CNNM3: variants seen among roughly 807,000 people sequenced by gnomAD.
CNNM3 encodes metal transporter CNNM3.
A neutral mutation model predicts 57.1 loss-of-function variants in CNNM3; 47 were observed. The ratio of observed to expected loss-of-function variants is 0.82; its 90% confidence interval spans 0.65 to 1.05. CNNM3 has a LOEUF of 1.05. Among genes scored for constraint, CNNM3 ranks in the 50% least tolerant of loss-of-function variants. The pLI, the probability that CNNM3 is intolerant of heterozygous loss-of-function variation, is 0.00. For missense variants in CNNM3, 957 were observed against 973.7 expected (o/e 0.98, Z 0.23); for synonymous variants, 507 against 478.2 (o/e 1.06, Z -0.79).
chr2:96,832,425 C>A, intron 7 of CNNM3, 127 bp from the exon 8 acceptor site: 7 of 1,516,056 alleles, frequency 4.6e-6, no homozygotes, highest in Admixed American at 2.0e-5. Flanking sequence ...TGCTCTGATA[C>A]TTCCCAAGGC....
intron 7 of CNNM3, chr2:96,832,163 AT>A: frequency 2.0e-6 from 2 of 1,011,298 alleles, no homozygotes; most frequent in Non-Finnish European, 1.2e-6. Context: ...GCTGGGGGGC[AT>A]TTTTCTCCAG....
chr2:96,836,185 C>G (rs536912735), downstream of CNNM3, among the ~76,000 whole-genome samples: 25 of 149,196 alleles, frequency 1.7e-4, 1 homozygote, highest in South Asian at 5.3e-3. Flanking sequence ...TGGACTCAAG[C>G]AGTTCTCCCT....
At position 96,816,455 on chromosome 2, in the gene CNNM3, G is replaced by T. The variant is rs765754443; in HGVS notation, c.178G>T (p.Ala60Ser). 5 of 1,445,918 alleles carry T rather than the reference G, an allele frequency of 3.5e-6. No individual in the cohort carries two copies. In the South Asian group the frequency reaches 4.2e-5, roughly 12 times the overall value. The allele number at this position is 1,445,918 out of a possible 1,614,324, so 89.6% of individuals were successfully genotyped here. The change falls in exon 1 of 8, where the codon GCC becomes TCC. Residue 60 changes from alanine to serine, a missense_variant. Ala to Ser is a moderately conservative substitution (Grantham distance 99). Coordinates refer to ENST00000305510, the MANE Select transcript of CNNM3 (RefSeq NM_017623.5). Reference protein sequence around the residue: ...RGGAARDTPDATFLLRLFGPG... With the variant: ...RGGAARDTPDSTFLLRLFGPG... ...AGGGGCGGCGCGGGACACGCCGGAC[G>T]CCACCTTCCTCCTGCGCCTCTTCGG...
intron 5 of CNNM3, 120 bp from the exon 6 acceptor site, chr2:96,828,447 A>G (rs961723019): frequency 7.0e-6 from 9 of 1,284,118 alleles, no homozygotes; most frequent in African/African-American, 1.5e-5. Flanking sequence ...TCCCATGCAC[A>G]TTGCCTCTCC....
rs960546793 is a variant in CNNM3, at chr2:96,817,433, T to C, written c.1156T>C (p.Tyr386His). 4.3e-6 allele frequency: 7 copies of C among 1,613,984 alleles called. No individual in the cohort carries two copies. Among genetic ancestry groups the C allele is most frequent in the Non-Finnish European group, 5.9e-6 (7 of 1,180,016 alleles). Residue 386 changes from tyrosine (Y) to histidine (H), a missense_variant, in exon 1 of 8, where the codon TAC (tyrosine) becomes CAC (histidine). Around this residue, in one of 2 missense-constraint regions of CNNM3, gnomAD observed 491 missense variants for 570.6 expected, o/e 0.86. Coordinates refer to ENST00000305510, the MANE Select transcript of CNNM3 (RefSeq NM_017623.5). ...GCCGCTCAGCACCATCACTCGTTTC[T>C]ACAACCATCCGCTCCACTTCGTCTT... is the stretch of plus-strand genomic sequence containing the variant. ...CTPLSTITRF[Y>H]NHPLHFVFND...
chr2:96,832,877 C>T lies in CNNM3; in HGVS notation c.*261C>T, dbSNP rs1162444599. 1 of 1,490,044 alleles carries T rather than the reference C, an allele frequency of 6.7e-7. No individual in the cohort carries two copies. Among genetic ancestry groups the T allele is most frequent in the East Asian group, 2.7e-5 (1 of 37,044 alleles). 92.3% of individuals were successfully genotyped at this position (1,490,044 alleles called of 1,614,324 possible). On this transcript the variant is annotated 3_prime_UTR_variant, in exon 8 of 8. Coordinates refer to ENST00000305510, the MANE Select transcript of CNNM3 (RefSeq NM_017623.5). ...GCCTCAGGAAGGAATGAAAGGAATG[C>T]CATCATCTCTAGTTCCCAGGGCCCA...
Position 96,832,856 on chromosome 2 carries a change from C to T in CNNM3, c.*240C>T, listed in dbSNP as rs907941898. On this transcript the variant is annotated 3_prime_UTR_variant, in exon 8 of 8. Transcript: ENST00000305510. ...AGGGCACAGCCCTCCAGGCCCGCCTCAGGAAGGAATGAAAGGAATGCCATC... is the reference window on the plus strand; with the variant it reads ...AGGGCACAGCCCTCCAGGCCCGCCTTAGGAAGGAATGAAAGGAATGCCATC... 8 of 1,506,654 alleles carry T rather than the reference C, an allele frequency of 5.3e-6. No homozygotes were observed. The African/African-American group carries it at 1.1e-4, about 21-fold the overall frequency. The allele number at this position is 1,506,654 out of a possible 1,614,324, so 93.3% of individuals were successfully genotyped here. A position where few individuals can be genotyped will look rare whatever the true frequency, so the allele number is the denominator to read the frequency against.
intron 1 of CNNM3, among the ~76,000 whole-genome samples, chr2:96,821,127 C>G (rs765759152): frequency 6.6e-6 from 1 of 152,096 alleles, no homozygotes; most frequent in South Asian, 2.1e-4. Context: ...TTGACTTCCC[C>G]GCTCCTGTGG....
At position 96,832,740 on chromosome 2, in the gene CNNM3, G is replaced by C; in HGVS notation, c.*124G>C. On this transcript the variant is annotated 3_prime_UTR_variant, in exon 8 of 8. Transcript: ENST00000305510. ...CCAGGCCACGTTTTAGATGGCCCTT[G>C]TAGTTGCGGGTCCTGGGTGTCCTCA... is the stretch of plus-strand genomic sequence containing the variant. The C allele has an allele frequency of 6.4e-7, 1 of 1,551,912 alleles. No homozygotes were observed. The highest frequency in any genetic ancestry group is 2.3e-5 in the East Asian group (1 of 43,580).
In CNNM3 at chr2:96,816,517, C is replaced by A. The variant is rs755909443; in HGVS notation, c.240C>A (p.Ala80=). ...GFANSSWSWV[A]PEGAGCREEA... ...CCAACAGCTCTTGGTCCTGGGTGGC[C>A]CCGGAGGGGGCGGGCTGCCGGGAGG... is the stretch of plus-strand genomic sequence containing the variant. The change falls in exon 1 of 8, where the codon GCC becomes GCA. Residue 80 remains alanine, a synonymous_variant. Coordinates refer to ENST00000305510, the MANE Select transcript of CNNM3 (RefSeq NM_017623.5). 7.2e-6 allele frequency: 10 copies of A among 1,394,274 alleles called. No homozygotes were observed. The highest frequency in any genetic ancestry group is 1.6e-5 in the South Asian group (1 of 63,046). 86.4% of individuals were successfully genotyped at this position (1,394,274 alleles called of 1,614,324 possible).
At chr2:96,824,903 T>G (rs530475837) in intron 1 of CNNM3, 155 bp from the exon 2 acceptor site, 1 of 782,686 alleles carries the variant, frequency 1.3e-6, no homozygotes, top group Non-Finnish European at 2.0e-6. Flanking sequence ...GCTGGGAGTC[T>G]TAAGTAAAAA....
Position 96,828,657 on chromosome 2 carries a change from C to T in CNNM3, c.1877C>T (p.Pro626Leu). 1 of 1,614,146 alleles carries T rather than the reference C, an allele frequency of 6.2e-7. No homozygotes were observed. Among genetic ancestry groups the T allele is most frequent in the Non-Finnish European group, 8.5e-7 (1 of 1,180,032 alleles). Residue 626 changes from proline (P) to leucine (L), a missense_variant, in exon 6 of 8, where the codon CCC (proline) becomes CTC (leucine). By Grantham distance (98) the Pro-to-Leu change is moderately conservative. This residue lies in a region of CNNM3 where 491 missense variants were observed against 570.6 expected (regional missense o/e 0.86). Transcript: ENST00000305510. The stretch of plus-strand genomic sequence containing the variant: ...GGCACGCATTCATCTGCGTATTGTC[C>T]CGACTACACCGTGAGGGCGCTCTCT... Reference protein sequence around the residue: ...GDGTHSSAYCPDYTVRALSDL... With the variant: ...GDGTHSSAYCLDYTVRALSDL...
At chr2:96,827,656 G>A in intron 3 of CNNM3, 75 bp from the exon 4 acceptor site, 11 of 1,465,750 alleles carry the variant, frequency 7.5e-6, no homozygotes, top group Non-Finnish European at 9.4e-6. Flanking sequence ...ACTTTAAATT[G>A]CCTACAGTGT....
Position 96,816,846 on chromosome 2 carries a change from G to A in CNNM3, c.569G>A (p.Trp190Ter). 1 of 1,057,190 alleles carries A rather than the reference G, an allele frequency of 9.5e-7. No individual in the cohort carries two copies. Among genetic ancestry groups the A allele is most frequent in the Non-Finnish European group, 1.1e-6 (1 of 880,272 alleles). The allele number at this position is 1,057,190 out of a possible 1,614,324, so 65.5% of individuals were successfully genotyped here. ...CGGCGTTTGGAGCCCGCGCGGCGCT[G>A]GGCCGGCTGCGCCTTGGGCGCGCTG... Reference protein sequence around the residue: ...AARRLEPARRWAGCALGALLL... With the variant: ...AARRLEPARR Residue 190 changes from tryptophan to a stop codon, truncating the protein, a stop_gained, in exon 1 of 8, where the codon TGG becomes TAG. Coordinates refer to ENST00000305510, the MANE Select transcript of CNNM3 (RefSeq NM_017623.5). LOFTEE classifies it high-confidence loss of function.
intron 7 of CNNM3, among the ~76,000 whole-genome samples, chr2:96,831,546 A>G (rs940354969): frequency 6.6e-6 from 1 of 152,228 alleles, no homozygotes; most frequent in African/African-American, 2.4e-5. Context: ...GAACCCACAC[A>G]TCTGTTTGTA....
At position 96,817,253 on chromosome 2, in the gene CNNM3, A is replaced by G. The variant is rs867129720; in HGVS notation, c.976A>G (p.Met326Val). ...DVLTPLEDCF[M>V]LDASTVLDFG... ...GCTCACGCCCCTCGAAGACTGCTTCATGCTGGACGCCAGCACCGTGCTGGA... is the reference window on the plus strand; with the variant it reads ...GCTCACGCCCCTCGAAGACTGCTTCGTGCTGGACGCCAGCACCGTGCTGGA... The change falls in exon 1 of 8, where the codon ATG becomes GTG. Residue 326 changes from methionine (M) to valine (V), a missense_variant. Physicochemically the swap from Met to Val is conservative, Grantham distance 21 (BLOSUM62 1). This residue lies in a region of CNNM3 where 491 missense variants were observed against 570.6 expected (regional missense o/e 0.86). Transcript: ENST00000305510. 1.2e-6 allele frequency: 2 copies of G among 1,611,022 alleles called. No individual in the cohort carries two copies. Among genetic ancestry groups the G allele is most frequent in the Non-Finnish European group, 8.5e-7 (1 of 1,179,734 alleles).
intron 6 of CNNM3, 125 bp from the exon 7 acceptor site, chr2:96,828,871 T>C (rs188826295): frequency 6.7e-7 from 1 of 1,499,058 alleles, no homozygotes; most frequent in Non-Finnish European, 9.1e-7. Flanking sequence ...ACTCAGTTGC[T>C]CTTCTCTGCC....
chr2:96,826,576 C>T (rs1017340506), intron 2 of CNNM3, among the ~76,000 whole-genome samples: 2 of 152,230 alleles, frequency 1.3e-5, no homozygotes, highest in African/African-American at 4.8e-5. Context: ...TTATTTTATA[C>T]AAGCTGCTTT....
In CNNM3 at chr2:96,827,810, A is replaced by G; in HGVS notation, c.1599A>G (p.Glu533=). 6.2e-7 allele frequency: 1 copy of G among 1,614,148 alleles called. No individual in the cohort carries two copies. ...TGAAGCATCCCAGTGTCAACCAGGA[A>G]GTGAGGTTTGACGAGAGCAACCGGC... is the stretch of plus-strand genomic sequence containing the variant. ...HLLKHPSVNQ[E]VRFDESNRLA... Residue 533 remains glutamate, a synonymous_variant, in exon 4 of 8, where the codon GAA becomes GAG. Transcript: ENST00000305510.
Sources: allele counts gnomAD v4.1 joint callset (sites outside exome capture counted in the v4.1 genomes callset), GRCh38; gene constraint gnomAD v4.1.1; regional missense constraint gnomAD v4.1.1; transcripts MANE v1.5; gene names NCBI Gene and HGNC (gene_info 2026-07-23, HGNC 2026-07-21).